The following KLF8 variants were observed in gnomAD, a reference collection of about 807,000 sequenced individuals.
KLF8 encodes the protein Krueppel-like factor 8.
KLF8 carries 10 observed loss-of-function variants against 18.2 expected under a neutral mutation model. The observed-to-expected ratio is 0.55, with a 90% CI of 0.34 to 0.93. KLF8 has a LOEUF of 0.93. KLF8 is among the 40% of genes least tolerant of loss of function. The pLI is 0.02. For synonymous variants in KLF8, 109 were observed against 97.3 expected, an observed-to-expected ratio of 1.12 and a Z score of -0.71; for missense variants, 264 against 277.9, an observed-to-expected ratio of 0.95 and a Z score of 0.36.
chrX:56,154,319 T>A, the KLF8 span, among the ~76,000 whole-genome samples: 9 of 111,752 alleles, frequency 8.1e-5, no homozygotes, highest in African/African-American at 1.6e-4. Context: ...AACTATCTGA[T>A]CTTTGACAAA....
At chrX:56,138,547 A>G in the KLF8 span, among the ~76,000 whole-genome samples, 1 of 111,458 alleles carries the variant, frequency 9.0e-6, no homozygotes, top group Non-Finnish European at 1.9e-5. Flanking sequence ...CATCACATCA[A>G]TGGAACTAAA....
chrX:56,146,297 G>T, the KLF8 span, among the ~76,000 whole-genome samples: 1 of 111,831 alleles, frequency 8.9e-6, no homozygotes, highest in African/African-American at 3.2e-5. Context: ...CAATAGCAAA[G>T]ACTTAGAACC....
At chrX:56,077,479 C>G in the KLF8 span, among the ~76,000 whole-genome samples, 1 of 111,589 alleles carries the variant, frequency 9.0e-6, no homozygotes, top group Non-Finnish European at 1.9e-5. Flanking sequence ...TCTGAGGGCT[C>G]TATTCTGTTC....
At chrX:56,139,271 A>G in the KLF8 span, among the ~76,000 whole-genome samples, 1 of 111,983 alleles carries the variant, frequency 8.9e-6, no homozygotes. Flanking sequence ...CAAACTACCA[A>G]CAATATTTTT....
chrX:56,216,583 C>T, the KLF8 span, among the ~76,000 whole-genome samples: 2 of 107,801 alleles, frequency 1.9e-5, no homozygotes, highest in Non-Finnish European at 3.8e-5. Flanking sequence ...GTTATGCTGC[C>T]CAGACTGGTC....
At chrX:55,973,474 C>A in the KLF8 span, among the ~76,000 whole-genome samples, 1 of 111,723 alleles carries the variant, frequency 9.0e-6, no homozygotes, top group Non-Finnish European at 1.9e-5. Flanking sequence ...GATCTAATAT[C>A]CAGAATCCAT....
At chrX:56,058,282 A>ATATACACATATATATACATATATATACG in the KLF8 span, among the ~76,000 whole-genome samples, 1 of 18,988 alleles carries the variant, frequency 5.3e-5, no homozygotes, top group Non-Finnish European at 1.2e-4. Flanking sequence ...ATATATACAT[A>ATATACACATATATATACATATATATACG]TATATATATA....
chrX:56,068,917 A>G, the KLF8 span, among the ~76,000 whole-genome samples: 2 of 112,374 alleles, frequency 1.8e-5, no homozygotes, highest in Non-Finnish European at 1.9e-5. Flanking sequence ...TTCTTTCTAA[A>G]GTCAGGTGGA....
the KLF8 span, among the ~76,000 whole-genome samples, chrX:55,956,930 A>G: frequency 1.8e-5 from 2 of 110,941 alleles, no homozygotes; most frequent in African/African-American, 6.6e-5. Context: ...TTTTGTTTTG[A>G]TTTCCTATGC....
chrX:56,199,579 A>T, the KLF8 span, among the ~76,000 whole-genome samples: 1 of 111,622 alleles, frequency 9.0e-6, no homozygotes, highest in Non-Finnish European at 1.9e-5. Context: ...AGTCAGGAAA[A>T]AACAGATGCT....
intron 2 of KLF8, among the ~76,000 whole-genome samples, 194 bp downstream of exon 2, chrX:56,250,498 A>G (rs1052236858): frequency 8.9e-6 from 1 of 111,742 alleles, no homozygotes; most frequent in African/African-American, 3.3e-5. Flanking sequence ...GATCTGGCCT[A>G]AAAGAAACAT....
chrX:56,070,992 A>T, the KLF8 span, among the ~76,000 whole-genome samples: 1 of 111,869 alleles, frequency 8.9e-6, no homozygotes, highest in South Asian at 3.7e-4. Context: ...GTATACAAAC[A>T]TCCTGTGAAG....
At chrX:55,975,195 A>T in the KLF8 span, among the ~76,000 whole-genome samples, 3 of 111,246 alleles carry the variant, frequency 2.7e-5, no homozygotes, top group African/African-American at 9.8e-5. Flanking sequence ...TCTAAAAGAT[A>T]AAAAGGAACC....
the KLF8 span, among the ~76,000 whole-genome samples, chrX:55,964,350 T>G: frequency 8.9e-6 from 1 of 111,935 alleles, no homozygotes; most frequent in African/African-American, 3.3e-5. Context: ...CCAAGACAGG[T>G]GGATCACTTG....
the KLF8 span, among the ~76,000 whole-genome samples, chrX:56,103,114 C>G: frequency 6.4e-5 from 7 of 109,860 alleles, no homozygotes; most frequent in African/African-American, 1.0e-4. Flanking sequence ...GTTACTGTAG[C>G]CTTGTAGTAT....
At chrX:56,015,678 C>A in the KLF8 span, among the ~76,000 whole-genome samples, 1 of 111,630 alleles carries the variant, frequency 9.0e-6, no homozygotes, top group Non-Finnish European at 1.9e-5. Flanking sequence ...AAGGTAAAAA[C>A]CATACAGACT....
At position 56,289,916 on chromosome X, in the gene KLF8, A is replaced by G. The variant is rs986026703; in HGVS notation, c.*5422A>G. On this transcript the variant is annotated 3_prime_UTR_variant, in exon 6 of 6. Transcript: ENST00000468660. ...GATTCTGGGGTCTATCCTGCCCCCA[A>G]AAAGTTTTCTCATGAACCAAACCAT... 9.0e-6 allele frequency among the ~76,000 whole-genome samples: 1 copy of G among 111,551 alleles called. No homozygotes were observed. The highest frequency in any genetic ancestry group is 2.8e-4 in the East Asian group (1 of 3,579).
chrX:56,193,503 A>C, the KLF8 span, among the ~76,000 whole-genome samples: 1 of 112,334 alleles, frequency 8.9e-6, no homozygotes, highest in South Asian at 3.7e-4. Context: ...ATTATATCTA[A>C]GAGATATCTG....
At chrX:56,166,438 C>A in the KLF8 span, among the ~76,000 whole-genome samples, 1 of 111,786 alleles carries the variant, frequency 8.9e-6, no homozygotes, top group African/African-American at 3.2e-5. Flanking sequence ...GTGAAGAAGG[C>A]ACATAATGTC....
Sources: allele counts gnomAD v4.1 joint callset (sites outside exome capture counted in the v4.1 genomes callset), GRCh38; gene constraint gnomAD v4.1.1; transcripts MANE v1.5; gene names NCBI Gene and HGNC (gene_info 2026-07-23, HGNC 2026-07-21).